Variants in DACH1 observed in about 807,000 individuals in gnomAD.
DACH1 encodes the protein dachshund family transcription factor 1, also known as dachshund homolog 1.
A neutral mutation model predicts 54.2 loss-of-function variants in DACH1; 12 were observed. That is an observed-to-expected ratio of 0.22 (90% CI 0.14 to 0.36). DACH1 has a LOEUF of 0.36. Ranked by LOEUF, DACH1 falls within the 10% of genes least tolerant of loss-of-function variation. DACH1 has a pLI of 1.00. For missense variants in DACH1, 805 were observed against 929.8 expected (o/e 0.87, Z 1.75); for synonymous variants, 386 against 366.2 (o/e 1.05, Z -0.62).
chr13:71,710,703 T>C (rs1297530535), intron 1 of DACH1, among the ~76,000 whole-genome samples: 1 of 152,126 alleles, frequency 6.6e-6, no homozygotes, highest in African/African-American at 2.4e-5. Flanking sequence ...GGAAAACACA[T>C]GACAGCCTGC....
chr13:71,488,052 A>G (rs1479186516), intron 7 of DACH1, among the ~76,000 whole-genome samples: 1 of 152,210 alleles, frequency 6.6e-6, no homozygotes, highest in East Asian at 1.9e-4. Context: ...ATGAGAAGAT[A>G]TGTTACATTA....
chr13:71,860,829 A>C (rs943164952), intron 1 of DACH1, among the ~76,000 whole-genome samples: 1 of 152,040 alleles, frequency 6.6e-6, no homozygotes, highest in African/African-American at 2.4e-5. Context: ...TAGTTAAAGC[A>C]CAAATTGTTC....
intron 1 of DACH1, among the ~76,000 whole-genome samples, chr13:71,810,135 A>C (rs1382092429): frequency 1.3e-5 from 2 of 152,224 alleles, no homozygotes; most frequent in African/African-American, 2.4e-5. Context: ...ATATAATGAC[A>C]ACCACAACTT....
At chr13:71,537,987 C>A (rs551538944) in intron 6 of DACH1, among the ~76,000 whole-genome samples, 1 of 152,054 alleles carries the variant, frequency 6.6e-6, no homozygotes, top group Non-Finnish European at 1.5e-5. Flanking sequence ...AAATCCAACT[C>A]ATTTTATGCA....
At chr13:71,624,617 C>T (rs959689281) in intron 3 of DACH1, among the ~76,000 whole-genome samples, 32 of 151,880 alleles carry the variant, frequency 2.1e-4, no homozygotes, top group African/African-American at 6.8e-4. Context: ...AACAAACAAA[C>T]AAACAAAAAA....
chr13:71,540,166 C>G (rs1407318822), intron 6 of DACH1, among the ~76,000 whole-genome samples: 2 of 151,660 alleles, frequency 1.3e-5, no homozygotes, highest in Non-Finnish European at 2.9e-5. Context: ...AAAATGGATG[C>G]ATTTCTGTTA....
chr13:71,708,852 G>GTT (rs11322352), intron 1 of DACH1, among the ~76,000 whole-genome samples: 3,548 of 120,332 alleles, frequency 0.029, 192 homozygotes, highest in Non-Finnish European at 0.042. Context: ...GTTTTTTGTT[G>GTT]TTTTTTTTTT....
intron 1 of DACH1, among the ~76,000 whole-genome samples, chr13:71,687,515 T>G (rs1002912088): frequency 6.6e-6 from 1 of 152,170 alleles, no homozygotes; most frequent in African/African-American, 2.4e-5. Context: ...TACTGAATGC[T>G]TATCTTTGAA....
At chr13:71,528,348 T>C (rs1305828062) in intron 6 of DACH1, among the ~76,000 whole-genome samples, 2 of 152,068 alleles carry the variant, frequency 1.3e-5, no homozygotes, top group African/African-American at 4.8e-5. Flanking sequence ...TTTCATCAAC[T>C]ATGGAATATA....
chr13:71,623,312 C>G (rs574133157), intron 3 of DACH1, among the ~76,000 whole-genome samples: 13 of 151,596 alleles, frequency 8.6e-5, no homozygotes, highest in African/African-American at 3.1e-4. Flanking sequence ...ATAAAATGAT[C>G]AGTTATTAAT....
At chr13:71,676,799 T>C (rs1026565428) in intron 2 of DACH1, among the ~76,000 whole-genome samples, 2 of 152,182 alleles carry the variant, frequency 1.3e-5, no homozygotes, top group Non-Finnish European at 2.9e-5. Context: ...AATTTGCAAG[T>C]TATAAATTCT....
intron 6 of DACH1, among the ~76,000 whole-genome samples, chr13:71,493,697 T>C (rs2138213958): frequency 1.3e-5 from 2 of 152,276 alleles, no homozygotes; most frequent in South Asian, 4.1e-4. Flanking sequence ...ATGAGACAAA[T>C]GTAGGACCAC....
intron 3 of DACH1, among the ~76,000 whole-genome samples, chr13:71,577,495 G>T (rs1319464934): frequency 6.6e-6 from 1 of 152,124 alleles, no homozygotes; most frequent in East Asian, 1.9e-4. Context: ...GGAAGAAGGT[G>T]GTTGTTCATG....
Position 71,865,907 on chromosome 13 carries a change from TC to T in DACH1, c.848+14del, listed in dbSNP as rs747824921. 76 of 1,576,140 alleles carry T rather than the reference TC, an allele frequency of 4.8e-5. No homozygotes were observed. Among genetic ancestry groups the T allele is most frequent in the South Asian group, 1.3e-4 (11 of 86,952 alleles). On this transcript the variant is annotated intron_variant, in intron 1 of 10. Coordinates refer to ENST00000613252, the MANE Select transcript of DACH1 (RefSeq NM_080759.6). ...GAAGGGGCGCGGGCGGCGGGGGCTA[TC>T]CCCCCCGACTCACCTTGCGTTGGTG...
In DACH1 at chr13:71,552,053, G is replaced by A. The variant is rs552067717; in HGVS notation, c.1570+4971C>T. On this transcript the variant is annotated intron_variant, in intron 6 of 10. Transcript: ENST00000613252. ...CCTGCCTCTGAAATGTTGGTCTCCTGAAGTTGTCACCAGTGAAAGAAAGTT... is the reference window on the plus strand; with the variant it reads ...CCTGCCTCTGAAATGTTGGTCTCCTAAAGTTGTCACCAGTGAAAGAAAGTT... Among the ~76,000 whole-genome samples the A allele has an allele frequency of 4.6e-5, 7 of 152,144 alleles. No homozygotes were observed. The East Asian group carries it at 1.4e-3, about 29-fold the overall frequency.
chr13:71,629,652 A>G (rs1489224024), intron 3 of DACH1, among the ~76,000 whole-genome samples: 2 of 152,128 alleles, frequency 1.3e-5, no homozygotes, highest in African/African-American at 2.4e-5. Flanking sequence ...ATCTATGAAA[A>G]TGCTGCATGG....
Position 71,832,436 on chromosome 13 carries a change from C to T in DACH1, c.848+33486G>A, listed in dbSNP as rs117066671. 3.4e-3 allele frequency among the ~76,000 whole-genome samples: 511 copies of T among 151,782 alleles called. 11 individuals carry two copies. In the East Asian group the frequency reaches 0.084, roughly 25 times the overall value. ...CATAAACATAAAAAAATAAGTGTTT[C>T]GATTTTTGTTTTTAATGTAAAAAGC... On this transcript the variant is annotated intron_variant, in intron 1 of 10. Transcript: ENST00000613252.
intron 1 of DACH1, among the ~76,000 whole-genome samples, chr13:71,837,218 T>C (rs1453406923): frequency 6.6e-6 from 1 of 152,134 alleles, no homozygotes; most frequent in Non-Finnish European, 1.5e-5. Flanking sequence ...GCTAGATCTA[T>C]GCATGGAGTA....
At chr13:71,738,788 A>G (rs1884257358) in intron 1 of DACH1, among the ~76,000 whole-genome samples, 1 of 150,788 alleles carries the variant, frequency 6.6e-6, no homozygotes, top group Non-Finnish European at 1.5e-5. Context: ...ATGCTCAAGA[A>G]AAAAAAACAG....
Sources: gnomAD v4.1 joint callset for allele counts (sites outside exome capture counted in the v4.1 genomes callset) on GRCh38, gnomAD v4.1.1 for gene constraint, MANE v1.5 for transcripts, NCBI Gene and HGNC (gene_info 2026-07-23, HGNC 2026-07-21) for gene names.